Variants in ANKRD29 observed in about 807,000 individuals in gnomAD.
The protein encoded by ANKRD29 is ankyrin repeat domain 29, also known as ankyrin repeat domain-containing protein 29.
In ANKRD29, 32 loss-of-function variants were observed where a neutral mutation model predicts 38.0. The ratio of observed to expected loss-of-function variants is 0.84; its 90% confidence interval spans 0.64 to 1.13. ANKRD29 has a LOEUF of 1.13. Ranked by LOEUF, ANKRD29 falls within the 50% of genes most tolerant of loss-of-function variation. ANKRD29 has a pLI of 0.00. For missense variants in ANKRD29, 357 were observed against 377.9 expected (o/e 0.94, Z 0.46); for synonymous variants, 135 against 152.4 (o/e 0.89, Z 0.84).
chr18:23,633,285 TCATC>T lies in ANKRD29; in HGVS notation c.429+762_429+765del, dbSNP rs555983790. Among the ~76,000 whole-genome samples the T allele has an allele frequency of 1.4e-4, 21 of 152,332 alleles. No individual in the cohort carries two copies. The South Asian group carries it at 3.9e-3, about 29-fold the overall frequency. ...GCATGTGTATATTTCACAGAGGTCT[TCATC>T]CATCCAACCTCACTTTTCTACCAAA... On this transcript the variant is annotated intron_variant, in intron 5 of 9. Transcript: ENST00000592179.
chr18:23,654,153 C>A (rs2060246943), intron 1 of ANKRD29, among the ~76,000 whole-genome samples: 1 of 152,000 alleles, frequency 6.6e-6, no homozygotes, highest in African/African-American at 2.4e-5. Flanking sequence ...GTAGTCCCAG[C>A]TACTTGAGAG....
chr18:23,621,447 G>A (rs1175792714), intron 6 of ANKRD29, among the ~76,000 whole-genome samples: 1 of 149,208 alleles, frequency 6.7e-6, no homozygotes, highest in Non-Finnish European at 1.5e-5. Context: ...GTTGGGACCT[G>A]TCTTGGGAGA....
At chr18:23,634,278 G>GTTTTTTTTTTTTTTT (rs71163626) in intron 4 of ANKRD29, 129 bp from the exon 5 acceptor site, 1 of 343,748 alleles carries the variant, frequency 2.9e-6, no homozygotes, top group Non-Finnish European at 4.9e-6. Flanking sequence ...CACTTTCCCT[G>GTTTTTTTTTTTTTTT]TTTTTTTTTT....
intron 4 of ANKRD29, 127 bp from the exon 5 acceptor site, chr18:23,634,276 CTGTTTT>C: frequency 1.3e-5 from 6 of 447,526 alleles, no homozygotes; most frequent in Non-Finnish European, 1.5e-5. Context: ...CTCACTTTCC[CTGTTTT>C]TTTTTTTTTT....
intron 1 of ANKRD29, among the ~76,000 whole-genome samples, chr18:23,659,876 C>A (rs934874531): frequency 6.6e-6 from 1 of 151,926 alleles, no homozygotes; most frequent in African/African-American, 2.4e-5. Flanking sequence ...TCTGGGAGCC[C>A]GAGGCAGGCA....
At chr18:23,620,417 G>T (rs2059782176) in intron 6 of ANKRD29, among the ~76,000 whole-genome samples, 1 of 152,138 alleles carries the variant, frequency 6.6e-6, no homozygotes, top group South Asian at 2.1e-4. Context: ...TATTGCTTCA[G>T]AGGAGAAAAA....
intron 6 of ANKRD29, among the ~76,000 whole-genome samples, chr18:23,624,154 C>A (rs1049839255): frequency 1.8e-4 from 27 of 151,288 alleles, no homozygotes; most frequent in African/African-American, 5.6e-4. Flanking sequence ...GAAGTTATAA[C>A]CTCTACAGCA....
At chr18:23,635,290 TA>T (rs111546184) in intron 4 of ANKRD29, among the ~76,000 whole-genome samples, 3,380 of 103,124 alleles carry the variant, frequency 0.033, 40 homozygotes, top group Middle Eastern at 0.05. Flanking sequence ...ATAAAAAAAG[TA>T]AAAAAAAAAA....
At chr18:23,655,352 G>A (rs2060265334) in intron 1 of ANKRD29, among the ~76,000 whole-genome samples, 1 of 152,104 alleles carries the variant, frequency 6.6e-6, no homozygotes, top group Non-Finnish European at 1.5e-5. Flanking sequence ...TCACAAAACA[G>A]ACTCTTTGTA....
At chr18:23,649,280 G>A in intron 1 of ANKRD29, 87 bp from the exon 2 acceptor site, 1 of 962,314 alleles carries the variant, frequency 1.0e-6, no homozygotes, top group Non-Finnish European at 1.6e-6. Context: ...CATTCAGAAA[G>A]AAGAACATCC....
intron 6 of ANKRD29, among the ~76,000 whole-genome samples, chr18:23,624,996 T>G (rs1007588640): frequency 6.6e-6 from 1 of 152,196 alleles, no homozygotes; most frequent in Non-Finnish European, 1.5e-5. Flanking sequence ...GGAATGAGTA[T>G]CTGAAGCGGC....
In ANKRD29 at chr18:23,641,904, C is replaced by T. The variant is rs532930562; in HGVS notation, c.232-2957G>A. 1.4e-4 allele frequency among the ~76,000 whole-genome samples: 21 copies of T among 152,168 alleles called. 1 individual carries two copies. Among genetic ancestry groups the T allele is most frequent in the East Asian group, 3.9e-4 (2 of 5,158 alleles). On this transcript the variant is annotated intron_variant, in intron 3 of 9. Transcript: ENST00000592179. The stretch of plus-strand genomic sequence containing the variant: ...TCTGCTGAGAGCTGGACCCAGATAT[C>T]GGGACTACCAGCTGCGGGAGGAGCT...
intron 2 of ANKRD29, chr18:23,647,213 T>C (rs1000548756): frequency 3.3e-5 from 5 of 152,214 alleles, no homozygotes; most frequent in African/African-American, 1.2e-4. Context: ...GGGCACATCA[T>C]GTAACCCTTA....
intron 6 of ANKRD29, 184 bp from the exon 7 acceptor site, chr18:23,619,813 G>A: frequency 1.9e-6 from 1 of 522,758 alleles, no homozygotes; most frequent in Non-Finnish European, 3.3e-6. Flanking sequence ...GGTGTGTGTA[G>A]CCCACGGACG....
chr18:23,659,273 T>C (rs1308824072), intron 1 of ANKRD29, among the ~76,000 whole-genome samples: 2 of 152,250 alleles, frequency 1.3e-5, no homozygotes, highest in African/African-American at 4.8e-5. Flanking sequence ...CCACTGTGCC[T>C]GGCCCACATT....
intron 3 of ANKRD29, among the ~76,000 whole-genome samples, chr18:23,645,511 G>A (rs911385420): frequency 1.3e-5 from 2 of 152,118 alleles, no homozygotes; most frequent in African/African-American, 4.8e-5. Flanking sequence ...GGAGGTGGAG[G>A]TTGCATGAGC....
Position 23,646,211 on chromosome 18 carries a change from G to T in ANKRD29, c.209C>A (p.Ala70Glu). The T allele has an allele frequency of 6.2e-7, 1 of 1,614,124 alleles. No individual in the cohort carries two copies. Among genetic ancestry groups the T allele is most frequent in the Non-Finnish European group, 8.5e-7 (1 of 1,180,020 alleles). ...DCVRELVLQG[A>E]DINLQRESGT... ...TACCTCTCTCTGGAGATTGATGTCT[G>T]CTCCTTGCAGAACCAGTTCCCTCAC... The change falls in exon 3 of 10, where the codon GCA becomes GAA. Residue 70 changes from alanine to glutamate, a missense_variant. Physicochemically the swap from Ala to Glu is moderately radical, Grantham distance 107. Transcript: ENST00000592179.
chr18:23,607,421 C>CA (rs1174362651), intron 9 of ANKRD29, among the ~76,000 whole-genome samples: 1 of 152,150 alleles, frequency 6.6e-6, no homozygotes. Context: ...GTGGCTGGTC[C>CA]ATGGTAAGCA....
chr18:23,645,575 A>C (rs1186614281), intron 3 of ANKRD29, among the ~76,000 whole-genome samples: 1 of 152,124 alleles, frequency 6.6e-6, no homozygotes, highest in Non-Finnish European at 1.5e-5. Flanking sequence ...CTCCATCTTA[A>C]AAAAAAGTCC....
Sources: gnomAD v4.1 joint callset for allele counts (sites outside exome capture counted in the v4.1 genomes callset) on GRCh38, gnomAD v4.1.1 for gene constraint, MANE v1.5 for transcripts, NCBI Gene and HGNC (gene_info 2026-07-23, HGNC 2026-07-21) for gene names.